The following KIAA1549L variants were observed in gnomAD, a reference collection of about 807,000 sequenced individuals.
KIAA1549L encodes KIAA1549 like.
A neutral mutation model predicts 160.7 loss-of-function variants in KIAA1549L; 88 were observed. The observed-to-expected ratio is 0.55, with a 90% CI of 0.46 to 0.65. KIAA1549L has a LOEUF of 0.65. Among genes scored for constraint, KIAA1549L ranks in the 30% least tolerant of loss-of-function variants. The pLI is 0.00. For missense variants in KIAA1549L, 2,258 were observed against 2,437.5 expected (o/e 0.93, Z 1.55); for synonymous variants, 950 against 976.7 (o/e 0.97, Z 0.51).
chr11:33,588,392 C>A (rs1465469636), intron 11 of KIAA1549L, among the ~76,000 whole-genome samples: 2 of 152,068 alleles, frequency 1.3e-5, no homozygotes, highest in Non-Finnish European at 2.9e-5. Context: ...AATGCCTTGC[C>A]AAAGCATTTG....
intron 1 of KIAA1549L, among the ~76,000 whole-genome samples, chr11:33,503,541 C>T (rs1347208899): frequency 6.6e-6 from 1 of 152,210 alleles, no homozygotes; most frequent in African/African-American, 2.4e-5. Context: ...AGTAGTTCTC[C>T]TTCCTTTTCC....
chr11:33,591,460 A>G (rs1850051415), intron 12 of KIAA1549L, 39 bp downstream of exon 12: 23 of 1,508,016 alleles, frequency 1.5e-5, no homozygotes, highest in Non-Finnish European at 1.7e-5. Context: ...TGTGTCAGCA[A>G]GAGAATAATT....
At chr11:33,607,053 A>G (rs900510262) in intron 14 of KIAA1549L, among the ~76,000 whole-genome samples, 12 of 152,152 alleles carry the variant, frequency 7.9e-5, no homozygotes, top group African/African-American at 2.9e-4. Flanking sequence ...AAAGCCCAGA[A>G]GGAACTGTTA....
At chr11:33,663,953 G>A (rs1460122014) in intron 20 of KIAA1549L, among the ~76,000 whole-genome samples, 1 of 152,182 alleles carries the variant, frequency 6.6e-6, no homozygotes, top group African/African-American at 2.4e-5. Flanking sequence ...GGAAATTTGA[G>A]CTGAGATCTG....
chr11:33,633,300 C>T (rs1851352286), intron 16 of KIAA1549L, among the ~76,000 whole-genome samples: 1 of 151,852 alleles, frequency 6.6e-6, no homozygotes, highest in South Asian at 2.1e-4. Flanking sequence ...CTGCGCCCAG[C>T]CCTCTTGTCA....
intron 1 of KIAA1549L, among the ~76,000 whole-genome samples, chr11:33,430,818 G>A (rs1011875625): frequency 2.6e-5 from 4 of 152,178 alleles, no homozygotes; most frequent in Non-Finnish European, 4.4e-5. Context: ...ATATAGCACC[G>A]TGCTGTTCAC....
At chr11:33,577,562 G>A (rs139485170) in intron 10 of KIAA1549L, among the ~76,000 whole-genome samples, 18 of 152,236 alleles carry the variant, frequency 1.2e-4, no homozygotes, top group African/African-American at 3.4e-4. Context: ...AGTGGAGTAC[G>A]GGGGACACTT....
Position 33,518,304 on chromosome 11 carries a change from A to G in KIAA1549L, c.239-23498A>G, listed in dbSNP as rs138357578. The stretch of plus-strand genomic sequence containing the variant: ...TTGGATTTCAGCTTCTCATGCTACA[A>G]TTGGGAAACTGAGGCTTAGATAAAG... On this transcript the variant is annotated intron_variant, in intron 1 of 20. Coordinates refer to ENST00000658780, the MANE Select transcript of KIAA1549L (RefSeq NM_012194.3). 9.6e-4 allele frequency among the ~76,000 whole-genome samples: 146 copies of G among 152,278 alleles called. 1 individual carries two copies. The highest frequency in any genetic ancestry group is 3.4e-3 in the African/African-American group (143 of 41,544).
chr11:33,518,407 G>A (rs1266064776), intron 1 of KIAA1549L, among the ~76,000 whole-genome samples: 1 of 152,018 alleles, frequency 6.6e-6, no homozygotes, highest in Non-Finnish European at 1.5e-5. Context: ...ATTGTGTGAT[G>A]TTTTCCCTCT....
intron 1 of KIAA1549L, among the ~76,000 whole-genome samples, chr11:33,420,067 G>A (rs1052291272): frequency 6.6e-6 from 1 of 152,002 alleles, no homozygotes; most frequent in African/African-American, 2.4e-5. Context: ...GCTTTTAGCT[G>A]CATAAATTTT....
At chr11:33,403,268 CACACACAG>C (rs1850547275) in intron 1 of KIAA1549L, 1 of 135,566 alleles carries the variant, frequency 7.4e-6, no homozygotes, top group African/African-American at 2.8e-5. Context: ...CAGACACAGA[CACACACAG>C]ACACAGACAC....
At chr11:33,618,005 CT>C (rs1240438559) in intron 15 of KIAA1549L, among the ~76,000 whole-genome samples, 1 of 152,142 alleles carries the variant, frequency 6.6e-6, no homozygotes, top group Admixed American at 6.5e-5. Context: ...GGGTTTATGG[CT>C]TCTTAGTCCG....
rs1176380765 is a variant in KIAA1549L at position 33,672,552 on chromosome 11, A to AAAAG, written c.*4401_*4404dup. 6.5e-6 allele frequency: 1 copy of AAAAG among 153,806 alleles called. No individual in the cohort carries two copies. The highest frequency in any genetic ancestry group is 6.5e-5 in the Admixed American group (1 of 15,280). The allele number at this position is 153,806 out of a possible 1,614,324, so 9.5% of individuals were successfully genotyped here. On this transcript the variant is annotated 3_prime_UTR_variant, in exon 21 of 21. Transcript: ENST00000658780. The stretch of plus-strand genomic sequence containing the variant: ...GGAGCATGAGTGGGCAAGACCTTCA[A>AAAAG]AAAGAACCTACTACACACTGGAACT...
intron 1 of KIAA1549L, among the ~76,000 whole-genome samples, chr11:33,480,881 G>A (rs568953029): frequency 6.6e-6 from 1 of 152,180 alleles, no homozygotes; most frequent in Non-Finnish European, 1.5e-5. Flanking sequence ...AGGACATCAC[G>A]TGGATGTAGG....
chr11:33,659,185 T>C (rs1852178889), intron 19 of KIAA1549L, among the ~76,000 whole-genome samples: 1 of 152,256 alleles, frequency 6.6e-6, no homozygotes, highest in East Asian at 1.9e-4. Flanking sequence ...CTTTAAAGCA[T>C]TCCAGATACA....
rs1012155928 is a variant in KIAA1549L at position 33,591,491 on chromosome 11, C to T, written c.4751+70C>T. On this transcript the variant is annotated intron_variant, in intron 12 of 20. Coordinates refer to ENST00000658780, the MANE Select transcript of KIAA1549L (RefSeq NM_012194.3). ...TAATTGATGATGAGAAAAGCTGATG[C>T]CCTCAAGTTAATTCCACGGTTCTCT... is the stretch of plus-strand genomic sequence containing the variant. 2.0e-5 allele frequency: 25 copies of T among 1,245,500 alleles called. No individual in the cohort carries two copies. In the South Asian group the frequency reaches 3.4e-4, roughly 17 times the overall value. The allele number at this position is 1,245,500 out of a possible 1,614,324, so 77.2% of individuals were successfully genotyped here. A position where few individuals can be genotyped will look rare whatever the true frequency, so the allele number is the denominator to read the frequency against.
At chr11:33,638,589 G>GA (rs985690727) in intron 16 of KIAA1549L, among the ~76,000 whole-genome samples, 50 of 146,958 alleles carry the variant, frequency 3.4e-4, no homozygotes, top group South Asian at 4.3e-4. Flanking sequence ...AAGCTAGTAT[G>GA]AAAAAAAAAA....
rs1045202107 is a variant in KIAA1549L, at chr11:33,671,588, A to C, written c.*3434A>C. 2.7e-5 allele frequency: 4 copies of C among 146,108 alleles called. No individual in the cohort carries two copies. Among genetic ancestry groups the C allele is most frequent in the Non-Finnish European group, 6.1e-5 (4 of 66,052 alleles). 9.1% of individuals were successfully genotyped at this position (146,108 alleles called of 1,614,324 possible). A position where few individuals can be genotyped will look rare whatever the true frequency, so the allele number is the denominator to read the frequency against. ...AAATAGATCTGTGATTAAAACACAC[A>C]CACACACACACACACACACACACAC... is the stretch of plus-strand genomic sequence containing the variant. On this transcript the variant is annotated 3_prime_UTR_variant, in exon 21 of 21. Transcript: ENST00000658780.
At chr11:33,633,843 C>T (rs766301655) in intron 16 of KIAA1549L, among the ~76,000 whole-genome samples, 5 of 152,128 alleles carry the variant, frequency 3.3e-5, no homozygotes, top group Non-Finnish European at 5.9e-5. Context: ...TTCCTATCTG[C>T]GCTTTAGTGT....
Sources: gnomAD v4.1 joint callset for allele counts (sites outside exome capture counted in the v4.1 genomes callset) on GRCh38, gnomAD v4.1.1 for gene constraint, MANE v1.5 for transcripts, NCBI Gene and HGNC (gene_info 2026-07-23, HGNC 2026-07-21) for gene names.